The following ANKS1A variants were observed in gnomAD, a reference collection of about 807,000 sequenced individuals.
The protein encoded by ANKS1A is ankyrin repeat and SAM domain-containing protein 1A.
A neutral mutation model predicts 120.3 loss-of-function variants in ANKS1A; 55 were observed. The ratio of observed to expected loss-of-function variants is 0.46; its 90% confidence interval spans 0.37 to 0.57. The LOEUF (loss-of-function observed/expected upper bound fraction) is 0.57. Ranked by LOEUF, ANKS1A falls within the 20% of genes least tolerant of loss-of-function variation. ANKS1A has a pLI of 0.00. For missense variants in ANKS1A, 1,123 were observed against 1,480.3 expected, an observed-to-expected ratio of 0.76 and a Z score of 3.96; for synonymous variants, 590 against 604.7, an observed-to-expected ratio of 0.98 and a Z score of 0.36.
intron 3 of ANKS1A, among the ~76,000 whole-genome samples, chr6:34,970,734 A>C (rs990545161): frequency 6.6e-6 from 1 of 152,150 alleles, no homozygotes; most frequent in Middle Eastern, 3.2e-3. Flanking sequence ...CATGCTTGCA[A>C]TCCCAGCACT....
chr6:34,908,494 A>G (rs3800451), intron 1 of ANKS1A, among the ~76,000 whole-genome samples: 46,393 of 152,046 alleles, frequency 0.31, 9,886 homozygotes, highest in African/African-American at 0.58. Flanking sequence ...TTTATCTCTA[A>G]GTGCTTTATT....
At chr6:35,081,679 G>C (rs142666091) in intron 17 of ANKS1A, among the ~76,000 whole-genome samples, 3 of 152,218 alleles carry the variant, frequency 2.0e-5, no homozygotes, top group South Asian at 2.1e-4. Flanking sequence ...GCAGCCCCGT[G>C]GGGGGCACCG....
chr6:34,917,597 T>TTTGAATAGAGCTGTTTGAATA (rs1768229838), intron 1 of ANKS1A, among the ~76,000 whole-genome samples: 1 of 152,192 alleles, frequency 6.6e-6, no homozygotes, highest in Non-Finnish European at 1.5e-5. Flanking sequence ...TGATGTGCTG[T>TTTGAATAGAGCTGTTTGAATA]GGGAAAAGAG....
At chr6:35,065,722 G>A (rs1427898844) in intron 13 of ANKS1A, among the ~76,000 whole-genome samples, 1 of 152,238 alleles carries the variant, frequency 6.6e-6, no homozygotes, top group African/African-American at 2.4e-5. Context: ...CCATCAGGCT[G>A]GGTGAGTGCA....
At position 34,915,834 on chromosome 6, in the gene ANKS1A, G is replaced by T. The variant is rs1271968598; in HGVS notation, c.197+26235G>T. ...CTTGTTCTCTGAGCCACTCTATTTT[G>T]TTTGGGGTTCACTCCTAGTTTAAGG... On this transcript the variant is annotated intron_variant, in intron 1 of 23. Coordinates refer to ENST00000360359, the MANE Select transcript of ANKS1A (RefSeq NM_015245.3). 3.9e-5 allele frequency among the ~76,000 whole-genome samples: 6 copies of T among 152,174 alleles called. No individual in the cohort carries two copies. In the South Asian group the frequency reaches 6.2e-4, roughly 16 times the overall value.
intron 13 of ANKS1A, among the ~76,000 whole-genome samples, chr6:35,078,280 G>A (rs532329247): frequency 8.5e-5 from 13 of 152,122 alleles, no homozygotes; most frequent in South Asian, 4.1e-4. Flanking sequence ...TCAGGGGGCC[G>A]GGACTTGTGG....
intron 10 of ANKS1A, among the ~76,000 whole-genome samples, chr6:35,004,833 A>G (rs1773370224): frequency 6.6e-6 from 1 of 152,246 alleles, no homozygotes; most frequent in Non-Finnish European, 1.5e-5. Context: ...AAAAAGAAAG[A>G]AAGTGTGGTG....
chr6:34,959,147 C>A (rs764715875), intron 1 of ANKS1A, among the ~76,000 whole-genome samples: 1 of 152,248 alleles, frequency 6.6e-6, no homozygotes. Flanking sequence ...TCTGACCTCA[C>A]GCACATGAAA....
intron 9 of ANKS1A, among the ~76,000 whole-genome samples, chr6:34,990,884 T>C (rs1272468557): frequency 6.6e-6 from 1 of 152,194 alleles, no homozygotes; most frequent in Non-Finnish European, 1.5e-5. Context: ...AATTTACTGG[T>C]GATTATAGGT....
At chr6:34,955,262 A>G (rs988765587) in intron 1 of ANKS1A, among the ~76,000 whole-genome samples, 1 of 151,376 alleles carries the variant, frequency 6.6e-6, no homozygotes, top group African/African-American at 2.4e-5. Flanking sequence ...TCAGCCCCCC[A>G]AGTAGCTGGG....
chr6:35,066,235 G>A (rs777090361), intron 13 of ANKS1A, among the ~76,000 whole-genome samples: 1 of 152,204 alleles, frequency 6.6e-6, no homozygotes, highest in Admixed American at 6.5e-5. Flanking sequence ...GTGGGAAGGT[G>A]GTGTTTTTCT....
intron 13 of ANKS1A, among the ~76,000 whole-genome samples, chr6:35,065,612 G>A (rs1267187795): frequency 6.6e-6 from 1 of 152,220 alleles, no homozygotes; most frequent in Non-Finnish European, 1.5e-5. Context: ...CCTGGACCTG[G>A]AGTGGTGCTT....
chr6:35,059,363 C>T (rs978128739), intron 12 of ANKS1A, among the ~76,000 whole-genome samples: 1 of 152,264 alleles, frequency 6.6e-6, no homozygotes, highest in Non-Finnish European at 1.5e-5. Flanking sequence ...GCCTGACCCC[C>T]GAGCCCCGGC....
In ANKS1A at chr6:35,082,914, C is replaced by G. The variant is rs1777767935; in HGVS notation, c.2835+98C>G. On this transcript the variant is annotated intron_variant, in intron 18 of 23. Coordinates refer to ENST00000360359, the MANE Select transcript of ANKS1A (RefSeq NM_015245.3). This position sits in a 1 kb window ranked among gnomAD's most constrained non-coding sequence, Gnocchi z 4.1. The stretch of plus-strand genomic sequence containing the variant: ...CCAGCAGGGACTCCACAAAGCCAGG[C>G]CCAGGGCTTTTGAGCTGTTCTCCAC... 3 of 1,525,084 alleles carry G rather than the reference C, an allele frequency of 2.0e-6. No homozygotes were observed. Among genetic ancestry groups the G allele is most frequent in the Admixed American group, 4.0e-5 (2 of 49,592 alleles). The allele number at this position is 1,525,084 out of a possible 1,614,324, so 94.5% of individuals were successfully genotyped here.
At chr6:35,092,591 G>T (rs925175802), downstream of ANKS1A, among the ~76,000 whole-genome samples, 87 of 152,250 alleles carry the variant, frequency 5.7e-4, no homozygotes, top group African/African-American at 1.9e-3. Flanking sequence ...CACATCCCTT[G>T]GCTCCCTGGC....
chr6:35,026,471 A>T (rs985611409), intron 11 of ANKS1A, among the ~76,000 whole-genome samples: 2 of 151,936 alleles, frequency 1.3e-5, no homozygotes, highest in Non-Finnish European at 2.9e-5. Flanking sequence ...CTAGAGGGGA[A>T]TGAGAATTTA....
chr6:34,899,131 A>C lies in ANKS1A; in HGVS notation c.197+9532A>C, dbSNP rs148892735. ...AATTTGAGGACTCATAGTAATTCTG[A>C]GGCCCCTTACATCTCCTGGGTCCTT... On this transcript the variant is annotated intron_variant, in intron 1 of 23. Transcript: ENST00000360359. 4.7e-3 allele frequency among the ~76,000 whole-genome samples: 715 copies of C among 152,348 alleles called. 4 individuals carry two copies. The highest frequency in any genetic ancestry group is 8.1e-3 in the Non-Finnish European group (554 of 68,028).
chr6:35,017,593 A>G lies in ANKS1A; in HGVS notation c.1544A>G (p.Asp515Gly). The change falls in exon 11 of 24, where the codon GAC becomes GGC. Residue 515 changes from aspartate to glycine, a missense_variant. By Grantham distance (94) the Asp-to-Gly change is moderately conservative (BLOSUM62 -1). Around this residue, in one of 3 missense-constraint regions of ANKS1A, gnomAD observed 904 missense variants for 1,130.4 expected, o/e 0.80. Transcript: ENST00000360359. ...TCCCCGGTGTGCGAGGTGGGGCAGG[A>G]CCCTTTCCAGCTGCTCTGTACCGCT... ...GSSPVCEVGQ[D>G]PFQLLCTAGQ... 1.2e-6 allele frequency: 2 copies of G among 1,613,646 alleles called. No homozygotes were observed. Among genetic ancestry groups the G allele is most frequent in the Non-Finnish European group, 1.7e-6 (2 of 1,179,834 alleles).
In ANKS1A at chr6:34,982,164, A is replaced by G. The variant is rs773861477; in HGVS notation, c.732+178A>G. 6.6e-6 allele frequency among the ~76,000 whole-genome samples: 1 copy of G among 152,168 alleles called. No individual in the cohort carries two copies. Among genetic ancestry groups the G allele is most frequent in the Non-Finnish European group, 1.5e-5 (1 of 68,034 alleles). On this transcript the variant is annotated intron_variant, in intron 4 of 23. Coordinates refer to ENST00000360359, the MANE Select transcript of ANKS1A (RefSeq NM_015245.3). This position sits in a 1 kb window ranked among gnomAD's most constrained non-coding sequence, Gnocchi z 4.9. ...AAGAAACAAATGAACTCCTCAAGCA[A>G]GTCTATTATTTTTTTGTTTCTTTTC...
Sources: gnomAD v4.1 joint callset for allele counts (sites outside exome capture counted in the v4.1 genomes callset) on GRCh38, gnomAD v4.1.1 for gene constraint, gnomAD v4.1.1 regional missense constraint, Gnocchi (gnomAD v3.1) non-coding constraint, MANE v1.5 for transcripts, NCBI Gene and HGNC (gene_info 2026-07-23, HGNC 2026-07-21) for gene names.